The following WWOX variants were observed in gnomAD, a reference collection of about 807,000 sequenced individuals.
WWOX encodes the protein WW domain-containing oxidoreductase.
In WWOX, 69 loss-of-function variants were observed where a neutral mutation model predicts 46.2. That is an observed-to-expected ratio of 1.49 (90% CI 1.23 to 1.82). WWOX has a LOEUF of 1.82. Among genes scored for constraint, WWOX ranks in the 40% most tolerant of loss-of-function variants. The probability of loss-of-function intolerance (pLI) is 0.00; values close to 1 mark genes in which losing one functional copy is unlikely to be tolerated. For synonymous variants in WWOX, 359 were observed against 202.6 expected, an observed-to-expected ratio of 1.77 and a Z score of -6.56; for missense variants, 919 against 542.6, an observed-to-expected ratio of 1.69 and a Z score of -6.89.
intron 5 of WWOX, among the ~76,000 whole-genome samples, chr16:78,212,728 A>G (rs2036595896): frequency 6.6e-6 from 1 of 152,196 alleles, no homozygotes; most frequent in East Asian, 1.9e-4. Flanking sequence ...TCTGCCCTTG[A>G]TAACTCATGA....
At chr16:78,214,988 A>G (rs2036671611) in intron 5 of WWOX, among the ~76,000 whole-genome samples, 1 of 152,206 alleles carries the variant, frequency 6.6e-6, no homozygotes, top group African/African-American at 2.4e-5. Context: ...GGGTTAAATT[A>G]AGAGGATTGT....
intron 8 of WWOX, among the ~76,000 whole-genome samples, chr16:79,092,562 C>A (rs2048984060): frequency 6.6e-6 from 1 of 152,154 alleles, no homozygotes; most frequent in African/African-American, 2.4e-5. Flanking sequence ...GGGAAAAGGC[C>A]AGCAGCCACG....
chr16:78,624,794 G>T (rs1307218300), intron 8 of WWOX, among the ~76,000 whole-genome samples: 2 of 152,166 alleles, frequency 1.3e-5, no homozygotes, highest in Admixed American at 6.5e-5. Flanking sequence ...GAACGAGAAG[G>T]TATTATTCCC....
intron 8 of WWOX, among the ~76,000 whole-genome samples, chr16:78,478,531 C>G (rs1400130989): frequency 6.6e-6 from 1 of 152,178 alleles, no homozygotes; most frequent in Non-Finnish European, 1.5e-5. Context: ...AATGGCTTGG[C>G]AGCCTACTCT....
At chr16:79,160,343 A>G (rs769791683) in intron 8 of WWOX, among the ~76,000 whole-genome samples, 3 of 152,120 alleles carry the variant, frequency 2.0e-5, no homozygotes, top group African/African-American at 7.2e-5. Context: ...ACCAAGCGGG[A>G]GGTGGAGGGT....
intron 8 of WWOX, among the ~76,000 whole-genome samples, chr16:79,036,857 A>AG (rs2047876923): frequency 6.6e-6 from 1 of 152,210 alleles, no homozygotes; most frequent in South Asian, 2.1e-4. Context: ...AGACACATGA[A>AG]GAGAGGATCA....
chr16:78,122,195 T>A (rs1194813477), intron 4 of WWOX, among the ~76,000 whole-genome samples: 1 of 152,206 alleles, frequency 6.6e-6, no homozygotes. Flanking sequence ...TTTGGTACTA[T>A]CCAGTTTTCA....
intron 8 of WWOX, among the ~76,000 whole-genome samples, chr16:78,584,368 AC>A (rs2045141061): frequency 6.6e-6 from 1 of 152,152 alleles, no homozygotes; most frequent in Non-Finnish European, 1.5e-5. Context: ...TGAATCCATA[AC>A]CCCAAGATGT....
chr16:79,181,590 CAT>C (rs2050912728), intron 8 of WWOX, among the ~76,000 whole-genome samples: 1 of 151,962 alleles, frequency 6.6e-6, no homozygotes, highest in Non-Finnish European at 1.5e-5. Context: ...AGCACTTCAT[CAT>C]ATAGTTGTAC....
At chr16:78,277,889 C>T (rs1220499318) in intron 5 of WWOX, among the ~76,000 whole-genome samples, 1 of 152,154 alleles carries the variant, frequency 6.6e-6, no homozygotes, top group Non-Finnish European at 1.5e-5. Flanking sequence ...ATAGCACAAC[C>T]TTTGCTAACA....
chr16:79,165,081 T>G (rs2050564808), intron 8 of WWOX, among the ~76,000 whole-genome samples: 1 of 151,786 alleles, frequency 6.6e-6, no homozygotes, highest in Non-Finnish European at 1.5e-5. Context: ...TCACTTATCC[T>G]ACGTTCCATG....
intron 5 of WWOX, among the ~76,000 whole-genome samples, chr16:78,202,899 A>G (rs757340017): frequency 1.3e-5 from 2 of 151,814 alleles, no homozygotes; most frequent in Non-Finnish European, 2.9e-5. Flanking sequence ...ATAAATGAGC[A>G]ATTATTTTGT....
chr16:79,069,442 G>A (rs145645973), intron 8 of WWOX, among the ~76,000 whole-genome samples: 1 of 152,094 alleles, frequency 6.6e-6, no homozygotes, highest in African/African-American at 2.4e-5. Context: ...TTACATCTCT[G>A]TCTTGTTCAC....
chr16:78,892,745 C>G (rs570638565), intron 8 of WWOX, among the ~76,000 whole-genome samples: 1 of 152,200 alleles, frequency 6.6e-6, no homozygotes, highest in Admixed American at 6.5e-5. Context: ...CTGTTGATGG[C>G]ATCCCACAAC....
chr16:78,238,696 C>CGTG (rs2037524079), intron 5 of WWOX, among the ~76,000 whole-genome samples: 2 of 151,594 alleles, frequency 1.3e-5, no homozygotes, highest in African/African-American at 4.8e-5. Flanking sequence ...CTTGGCTCGC[C>CGTG]ATGATCTCTA....
intron 8 of WWOX, among the ~76,000 whole-genome samples, chr16:78,629,051 C>G (rs2046371281): frequency 6.6e-6 from 1 of 152,200 alleles, no homozygotes; most frequent in East Asian, 1.9e-4. Flanking sequence ...TAGACCATAA[C>G]TGCAGTGTTT....
intron 8 of WWOX, among the ~76,000 whole-genome samples, chr16:78,720,925 A>G (rs1035716032): frequency 2.6e-5 from 4 of 152,180 alleles, no homozygotes; most frequent in African/African-American, 7.2e-5. Flanking sequence ...CCTCAGGATG[A>G]AACCAAGAGC....
intron 8 of WWOX, among the ~76,000 whole-genome samples, chr16:78,737,300 A>AAT (rs1159742306): frequency 1.4e-5 from 2 of 146,500 alleles, no homozygotes; most frequent in African/African-American, 2.6e-5. Context: ...ATATGTATAT[A>AAT]ATATATATAT....
chr16:78,387,440 TTTTA>T (rs151025892), intron 6 of WWOX, among the ~76,000 whole-genome samples: 9,448 of 152,160 alleles, frequency 0.062, 328 homozygotes, highest in Middle Eastern at 0.12. Flanking sequence ...CTCACATTCC[TTTTA>T]TTTATTTTTT....
Sources: allele counts gnomAD v4.1 joint callset (sites outside exome capture counted in the v4.1 genomes callset), GRCh38; gene constraint gnomAD v4.1.1; transcripts MANE v1.5; gene names NCBI Gene and HGNC (gene_info 2026-07-23, HGNC 2026-07-21).